Variants in RAP1B observed in about 807,000 individuals in gnomAD.
The protein encoded by RAP1B is RAP1B, member of RAS oncogene family.
In RAP1B, 1 loss-of-function variant was observed where a neutral mutation model predicts 27.5. The ratio of observed to expected loss-of-function variants is 0.04; its 90% CI spans 0.01 to 0.17. The LOEUF (loss-of-function observed/expected upper bound fraction) is 0.17, where lower values mean the gene tolerates loss of function less well. Ranked by LOEUF, RAP1B falls within the 10% of genes least tolerant of loss-of-function variation. RAP1B has a pLI of 1.00. For synonymous variants in RAP1B, 75 were observed against 73.1 expected (o/e 1.03, Z -0.13); for missense variants, 84 against 214.8 (o/e 0.39, Z 3.81).
chr12:68,619,680 C>T (rs1383059868), intron 1 of RAP1B, among the ~76,000 whole-genome samples: 1 of 152,138 alleles, frequency 6.6e-6, no homozygotes, highest in Non-Finnish European at 1.5e-5. Flanking sequence ...GCTTTGCTCT[C>T]AGTGTTTAAT....
At chr12:68,641,517 T>C (rs1873001744) in intron 1 of RAP1B, among the ~76,000 whole-genome samples, 1 of 152,208 alleles carries the variant, frequency 6.6e-6, no homozygotes. Context: ...GTTGTAGAAG[T>C]AATAATAAAC....
Position 68,669,488 on chromosome 12 carries a change from G to T in RAP1B, c.*10239G>T, listed in dbSNP as rs1874986282. 1 of 152,106 alleles carries T rather than the reference G, an allele frequency of 6.6e-6. No individual in the cohort carries two copies. The highest frequency in any genetic ancestry group is 1.5e-5 in the Non-Finnish European group (1 of 68,026). The allele number at this position is 152,106 out of a possible 1,614,324, so 9.4% of individuals were successfully genotyped here. A position where few individuals can be genotyped will look rare whatever the true frequency, so the allele number is the denominator to read the frequency against. ...GGCATGAGCCACCGTGCCAGACTTG[G>T]GTGAGGTTTTGAAATTGAAATTAAG... On this transcript the variant is annotated 3_prime_UTR_variant, in exon 8 of 8. Coordinates refer to ENST00000250559, the MANE Select transcript of RAP1B (RefSeq NM_001010942.3).
chr12:68,647,551 A>C (rs1378210721), intron 1 of RAP1B, among the ~76,000 whole-genome samples: 1 of 151,196 alleles, frequency 6.6e-6, no homozygotes, highest in Non-Finnish European at 1.5e-5. Flanking sequence ...TATCCTGGTC[A>C]GATACACTGC....
rs11177325 is a variant in RAP1B at position 68,671,198 on chromosome 12, C to T, written c.*11949C>T. The T allele has an allele frequency of 0.22, 34,135 of 151,798 alleles. 4,600 individuals carry two copies. Among genetic ancestry groups the T allele is most frequent in the Non-Finnish European group, 0.32 (21,431 of 67,926 alleles). The allele number at this position is 151,798 out of a possible 1,614,324, so 9.4% of individuals were successfully genotyped here. ...AGTACCAACGAGCCCAACACATGGA[C>T]GAAAACTTCAGAGAACACTACAGTC... On this transcript the variant is annotated 3_prime_UTR_variant, in exon 8 of 8. Coordinates refer to ENST00000250559, the MANE Select transcript of RAP1B (RefSeq NM_001010942.3).
At chr12:68,634,230 T>C (rs1872471970) in intron 1 of RAP1B, among the ~76,000 whole-genome samples, 1 of 152,266 alleles carries the variant, frequency 6.6e-6, no homozygotes, top group African/African-American at 2.4e-5. Context: ...TATGTGTTAC[T>C]CATTGTGCTA....
At chr12:68,623,639 G>T (rs1871536026) in intron 1 of RAP1B, among the ~76,000 whole-genome samples, 1 of 152,220 alleles carries the variant, frequency 6.6e-6, no homozygotes, top group Non-Finnish European at 1.5e-5. Flanking sequence ...GTGAAGTTTT[G>T]CCATTATATA....
intron 1 of RAP1B, among the ~76,000 whole-genome samples, chr12:68,627,648 C>A (rs746167792): frequency 6.6e-6 from 1 of 151,970 alleles, no homozygotes; most frequent in Non-Finnish European, 1.5e-5. Context: ...GTGACCCATA[C>A]CAGCCAAACT....
At chr12:68,629,349 G>T (rs1300550507) in intron 1 of RAP1B, among the ~76,000 whole-genome samples, 2 of 152,074 alleles carry the variant, frequency 1.3e-5, no homozygotes, top group Non-Finnish European at 2.9e-5. Flanking sequence ...TATATGGAAG[G>T]ACATGGTAAG....
intron 1 of RAP1B, among the ~76,000 whole-genome samples, chr12:68,647,457 G>A (rs1272722625): frequency 7.2e-6 from 1 of 137,952 alleles, no homozygotes; most frequent in Non-Finnish European, 1.5e-5. Flanking sequence ...CTGATTTCAA[G>A]TGATCCACCC....
At chr12:68,630,403 T>C (rs1305735440) in intron 1 of RAP1B, among the ~76,000 whole-genome samples, 1 of 152,072 alleles carries the variant, frequency 6.6e-6, no homozygotes, top group Non-Finnish European at 1.5e-5. Context: ...CCAACAAAAT[T>C]TTATTTACCA....
At position 68,661,357 on chromosome 12, in the gene RAP1B, G is replaced by T. The variant is rs1482752676; in HGVS notation, c.*2108G>T. 1.3e-5 allele frequency: 2 copies of T among 152,088 alleles called. No individual in the cohort carries two copies. Among genetic ancestry groups the T allele is most frequent in the African/African-American group, 2.4e-5 (1 of 41,412 alleles). The allele number at this position is 152,088 out of a possible 1,614,324, so 9.4% of individuals were successfully genotyped here. A position where few individuals can be genotyped will look rare whatever the true frequency, so the allele number is the denominator to read the frequency against. Reference sequence around the variant, plus strand: ...TATTCAATAATTACTTTTAATAAATGTTTGCTGCCTACCAGCTATGTACCA... The same window carrying T: ...TATTCAATAATTACTTTTAATAAATTTTTGCTGCCTACCAGCTATGTACCA... On this transcript the variant is annotated 3_prime_UTR_variant, in exon 8 of 8. Transcript: ENST00000250559.
chr12:68,649,111 T>A, intron 2 of RAP1B: 1 of 208,684 alleles, frequency 4.8e-6, no homozygotes, highest in South Asian at 1.0e-4. Flanking sequence ...TTATTTATTT[T>A]TTTGAAACAG....
rs1250863707 is a variant in RAP1B, at chr12:68,617,041, G to C, written c.-27+5998G>C. Among the ~76,000 whole-genome samples the C allele has an allele frequency of 2.0e-5, 3 of 152,170 alleles. No homozygotes were observed. The East Asian group carries it at 5.8e-4, about 29-fold the overall frequency. Reference sequence around the variant, plus strand: ...GGTGAAAGCTTCTGGAAAGGAAATGGAAAATGCTGGGTAAAATGAAATTAT... The same window carrying C: ...GGTGAAAGCTTCTGGAAAGGAAATGCAAAATGCTGGGTAAAATGAAATTAT... On this transcript the variant is annotated intron_variant, in intron 1 of 7. Coordinates refer to ENST00000250559, the MANE Select transcript of RAP1B (RefSeq NM_001010942.3).
chr12:68,641,364 G>A (rs1001768676), intron 1 of RAP1B, among the ~76,000 whole-genome samples: 7 of 152,208 alleles, frequency 4.6e-5, no homozygotes, highest in African/African-American at 1.7e-4. Flanking sequence ...CCGGACTCTC[G>A]ACAATGCCAA....
In RAP1B at chr12:68,662,596, T is replaced by G. The variant is rs544580112; in HGVS notation, c.*3347T>G. 6 of 152,290 alleles carry G rather than the reference T, an allele frequency of 3.9e-5. No homozygotes were observed. Among genetic ancestry groups the G allele is most frequent in the African/African-American group, 1.4e-4 (6 of 41,564 alleles). The allele number at this position is 152,290 out of a possible 1,614,324, so 9.4% of individuals were successfully genotyped here. On this transcript the variant is annotated 3_prime_UTR_variant, in exon 8 of 8. Transcript: ENST00000250559. The stretch of plus-strand genomic sequence containing the variant: ...TTGAGTTAAACTCTTATCTGTGTTT[T>G]CATTGAATTTAATCTCCATCTATTC...
At chr12:68,654,277 A>G (rs1874032275) in intron 5 of RAP1B, 25 bp downstream of exon 5, 2 of 1,386,384 alleles carry the variant, frequency 1.4e-6, no homozygotes, top group African/African-American at 1.6e-5. Flanking sequence ...AAATAAATAT[A>G]TTTTATTTCA....
intron 1 of RAP1B, among the ~76,000 whole-genome samples, chr12:68,615,813 A>G (rs1244522763): frequency 6.6e-6 from 1 of 152,150 alleles, no homozygotes; most frequent in Non-Finnish European, 1.5e-5. Flanking sequence ...ACATATACAT[A>G]TATCAGTGAG....
In RAP1B at chr12:68,663,184, C is replaced by T. The variant is rs1241092588; in HGVS notation, c.*3935C>T. 2.0e-5 allele frequency: 3 copies of T among 152,122 alleles called. No individual in the cohort carries two copies. Among genetic ancestry groups the T allele is most frequent in the African/African-American group, 7.3e-5 (3 of 41,368 alleles). The allele number at this position is 152,122 out of a possible 1,614,324, so 9.4% of individuals were successfully genotyped here. ...GTTCAAGCAATTCTTCTGCCTCAGCCTCCTGAATAGCTGGGATTACAAGCA... is the reference window on the plus strand; with the variant it reads ...GTTCAAGCAATTCTTCTGCCTCAGCTTCCTGAATAGCTGGGATTACAAGCA... On this transcript the variant is annotated 3_prime_UTR_variant, in exon 8 of 8. Transcript: ENST00000250559.
chr12:68,646,270 A>G (rs1873400559), intron 1 of RAP1B, among the ~76,000 whole-genome samples: 1 of 150,596 alleles, frequency 6.6e-6, no homozygotes, highest in African/African-American at 2.4e-5. Flanking sequence ...ATATATAGTT[A>G]TGCAGCCATC....
Sources: gnomAD v4.1 joint callset for allele counts (sites outside exome capture counted in the v4.1 genomes callset) on GRCh38, gnomAD v4.1.1 for gene constraint, MANE v1.5 for transcripts, NCBI Gene and HGNC (gene_info 2026-07-23, HGNC 2026-07-21) for gene names.